SPATA6L: variants seen among roughly 807,000 people sequenced by gnomAD.
SPATA6L encodes the protein spermatogenesis associated 6-like protein.
A neutral mutation model predicts 49.2 loss-of-function variants in SPATA6L; 68 were observed. The ratio of observed to expected loss-of-function variants is 1.38; its 90% CI spans 1.14 to 1.69. The LOEUF is 1.69. SPATA6L is among the 40% of genes most tolerant of loss of function. The pLI, the probability that SPATA6L is intolerant of heterozygous loss-of-function variation, is 0.00. For missense variants in SPATA6L, 668 were observed against 464.3 expected (o/e 1.44, Z -4.03); for synonymous variants, 198 against 165.7 (o/e 1.19, Z -1.50).
At chr9:4,654,569 T>C (rs1486553331) in intron 3 of SPATA6L, among the ~76,000 whole-genome samples, 1 of 152,206 alleles carries the variant, frequency 6.6e-6, no homozygotes, top group Non-Finnish European at 1.5e-5. Flanking sequence ...CTTGGTGTAC[T>C]GGAAGAATAG....
At chr9:4,596,252 G>T (rs1267398109), downstream of SPATA6L, among the ~76,000 whole-genome samples, 1 of 152,152 alleles carries the variant, frequency 6.6e-6, no homozygotes, top group African/African-American at 2.4e-5. Context: ...CACACAGAAG[G>T]AGTTTAACAA....
At chr9:4,626,477 G>A in intron 5 of SPATA6L, 1 of 1,304,362 alleles carries the variant, frequency 7.7e-7, no homozygotes, top group Non-Finnish European at 1.0e-6. Flanking sequence ...CCAGAGGTCT[G>A]GGTCCCATTT....
chr9:4,625,216 C>G lies in SPATA6L; in HGVS notation c.669+111G>C, dbSNP rs181812194. ...CACAATTATTATTCAATTTGAAGTA[C>G]CTTTTTATTGAATATTATTCATTTG... On this transcript the variant is annotated intron_variant, in intron 6 of 11. Transcript: ENST00000682582. 111 of 1,444,022 alleles carry G rather than the reference C, an allele frequency of 7.7e-5. No homozygotes were observed. In the African/African-American group the frequency reaches 1.1e-3, roughly 14 times the overall value. 89.5% of individuals were successfully genotyped at this position (1,444,022 alleles called of 1,614,324 possible). A position where few individuals can be genotyped will look rare whatever the true frequency, so the allele number is the denominator to read the frequency against.
In SPATA6L at chr9:4,662,502, C is replaced by G. The variant is rs555147147; in HGVS notation, c.40-466G>C. 4 of 1,559,940 alleles carry G rather than the reference C, an allele frequency of 2.6e-6. No homozygotes were observed. The highest frequency in any genetic ancestry group is 2.6e-6 in the Non-Finnish European group (3 of 1,162,328). ...CGGCAGCAGGTTTGAGTTCCAGTCC[C>G]TGCTCAGCAGCCGCGCCACGGCCGT... On this transcript the variant is annotated intron_variant, in intron 1 of 11. Transcript: ENST00000682582. The surrounding 1 kb of genome is among the most constrained non-coding windows in gnomAD (Gnocchi z 4.9).
chr9:4,598,005 C>T (rs1218433769), downstream of SPATA6L, among the ~76,000 whole-genome samples: 4 of 152,206 alleles, frequency 2.6e-5, no homozygotes, highest in Non-Finnish European at 4.4e-5. Context: ...TCTCAAATTA[C>T]ACCTAAAACC....
chr9:4,661,321 C>A (rs1193675563), intron 2 of SPATA6L, among the ~76,000 whole-genome samples: 1 of 152,092 alleles, frequency 6.6e-6, no homozygotes, highest in Non-Finnish European at 1.5e-5. Context: ...CATCAATATT[C>A]TATGAATAGT....
intron 5 of SPATA6L, chr9:4,627,408 T>C (rs1830556628): frequency 5.4e-6 from 1 of 184,114 alleles, no homozygotes; most frequent in Admixed American, 5.4e-5. Context: ...TTTTGATAGA[T>C]TTGCACAGAT....
intron 2 of SPATA6L, among the ~76,000 whole-genome samples, chr9:4,658,975 T>C (rs1838962222): frequency 6.7e-6 from 1 of 148,368 alleles, no homozygotes; most frequent in Non-Finnish European, 1.5e-5. Context: ...AAAAGGCTTC[T>C]ACAGAGCAAA....
At chr9:4,613,056 C>T (rs1827146268) in intron 9 of SPATA6L, among the ~76,000 whole-genome samples, 1 of 151,858 alleles carries the variant, frequency 6.6e-6, no homozygotes, top group Non-Finnish European at 1.5e-5. Context: ...AGTGAAACCC[C>T]ATCTCTACTA....
intron 10 of SPATA6L, among the ~76,000 whole-genome samples, chr9:4,604,807 T>G (rs301453): frequency 0.83 from 125,551 of 152,066 alleles, 51,946 homozygotes; most frequent in Middle Eastern, 0.94. Context: ...GCAGGTGAAC[T>G]GCCACTTAGC....
intron 9 of SPATA6L, among the ~76,000 whole-genome samples, chr9:4,615,888 GGTTTT>G (rs1827871888): frequency 6.6e-6 from 1 of 152,104 alleles, no homozygotes; most frequent in African/African-American, 2.4e-5. Context: ...AAAAACCACG[GGTTTT>G]CCCCAGTTCT....
Position 4,618,086 on chromosome 9 carries a change from T to C in SPATA6L, c.832A>G (p.Ile278Val), listed in dbSNP as rs189399758. Residue 278 changes from isoleucine (I) to valine (V), a missense_variant, in exon 9 of 12, where the codon ATT becomes GTT. Transcript: ENST00000682582. ...VKVIKEPDER[I>V]VLRSDSSSCL... Reference sequence around the variant, plus strand: ...GATGATGAGTCACTCCTTAAAACAATCCGTTCATCTGGCTCTTTGATAACC... The same window carrying C: ...GATGATGAGTCACTCCTTAAAACAACCCGTTCATCTGGCTCTTTGATAACC... The C allele has an allele frequency of 8.3e-5, 133 of 1,611,120 alleles. 2 individuals carry two copies. In the East Asian group the frequency reaches 1.1e-3, roughly 13 times the overall value.
chr9:4,650,083 G>T (rs1215817983), intron 3 of SPATA6L, among the ~76,000 whole-genome samples: 1 of 152,124 alleles, frequency 6.6e-6, no homozygotes, highest in Non-Finnish European at 1.5e-5. Flanking sequence ...TGCCTTGTTG[G>T]CTTCATGAGA....
At chr9:4,631,920 T>TG (rs1831645832) in intron 4 of SPATA6L, among the ~76,000 whole-genome samples, 1 of 151,464 alleles carries the variant, frequency 6.6e-6, no homozygotes, top group African/African-American at 2.4e-5. Context: ...TCCATTAAAG[T>TG]GGGGAAAGAA....
At chr9:4,595,976 G>C (rs1206953018), downstream of SPATA6L, among the ~76,000 whole-genome samples, 1 of 152,178 alleles carries the variant, frequency 6.6e-6, no homozygotes, top group Non-Finnish European at 1.5e-5. Context: ...AACACCTTGT[G>C]GGAGGATGGG....
At chr9:4,634,784 C>T (rs889209579) in intron 4 of SPATA6L, among the ~76,000 whole-genome samples, 2 of 152,104 alleles carry the variant, frequency 1.3e-5, no homozygotes, top group African/African-American at 2.4e-5. Context: ...AAATTATCAA[C>T]GGAATATCTG....
chr9:4,647,791 A>G (rs184286490), intron 3 of SPATA6L, among the ~76,000 whole-genome samples: 62 of 152,152 alleles, frequency 4.1e-4, no homozygotes, highest in African/African-American at 1.5e-3. Flanking sequence ...AAAAATCAAT[A>G]AAGATAATTC....
chr9:4,624,337 C>T (rs78412975), intron 6 of SPATA6L, among the ~76,000 whole-genome samples: 53 of 152,212 alleles, frequency 3.5e-4, no homozygotes, highest in African/African-American at 1.1e-3. Flanking sequence ...AGAGAAATTG[C>T]GTCAAATTAA....
rs200674488 is a variant in SPATA6L at position 4,662,905 on chromosome 9, T to C, written c.40-869A>G. ...CTGCTCTTCGCCCTGCTGTTGGACC[T>C]GCTGCTGGTGGCCTTGATCAAAGGG... On this transcript the variant is annotated intron_variant, in intron 1 of 11. Transcript: ENST00000682582. This position sits in a 1 kb window ranked among gnomAD's most constrained non-coding sequence, Gnocchi z 4.9. 61 of 1,609,016 alleles carry C rather than the reference T, an allele frequency of 3.8e-5. No homozygotes were observed. Among genetic ancestry groups the C allele is most frequent in the Non-Finnish European group, 4.9e-5 (58 of 1,179,984 alleles).
Sources: gnomAD v4.1 joint callset for allele counts (sites outside exome capture counted in the v4.1 genomes callset) on GRCh38, gnomAD v4.1.1 for gene constraint, Gnocchi (gnomAD v3.1) non-coding constraint, MANE v1.5 for transcripts, NCBI Gene and HGNC (gene_info 2026-07-23, HGNC 2026-07-21) for gene names.